The following AP1G1 variants were observed in gnomAD, a reference collection of about 807,000 sequenced individuals.
AP1G1 encodes adaptor related protein complex 1 subunit gamma 1.
In AP1G1, 7 loss-of-function variants were observed where a neutral mutation model predicts 108.3. The ratio of observed to expected loss-of-function variants is 0.06; its 90% confidence interval spans 0.04 to 0.12. The LOEUF is 0.12. Among genes scored for constraint, AP1G1 ranks in the 10% least tolerant of loss-of-function variants. AP1G1 has a pLI of 1.00. For synonymous variants in AP1G1, 379 were observed against 353.5 expected, an observed-to-expected ratio of 1.07 and a Z score of -0.81; for missense variants, 756 against 1,010.7, an observed-to-expected ratio of 0.75 and a Z score of 3.42.
intron 11 of AP1G1, among the ~76,000 whole-genome samples, chr16:71,756,605 T>C (rs888616394): frequency 2.0e-5 from 3 of 152,192 alleles, no homozygotes; most frequent in Non-Finnish European, 4.4e-5. Context: ...AAACATGATG[T>C]AATATAGTTT....
intron 13 of AP1G1, 88 bp from the exon 14 acceptor site, chr16:71,750,420 C>T: frequency 6.5e-7 from 1 of 1,526,944 alleles, no homozygotes; most frequent in Admixed American, 1.8e-5. Flanking sequence ...TGTGTTTTTT[C>T]CTTTCTTTTT....
In AP1G1 at chr16:71,808,748, G is replaced by T; in HGVS notation, c.-4+15C>A. On this transcript the variant is annotated intron_variant, in intron 1 of 22. Transcript: ENST00000299980. ...AAAGCAGCAATATGCTCTCAGCGCC[G>T]GGAGTGACACTCACCGGCCCGAAAC... 7.8e-7 allele frequency: 1 copy of T among 1,288,724 alleles called. No individual in the cohort carries two copies. The highest frequency in any genetic ancestry group is 1.0e-6 in the Non-Finnish European group (1 of 988,094). The allele number at this position is 1,288,724 out of a possible 1,614,324, so 79.8% of individuals were successfully genotyped here.
intron 9 of AP1G1, among the ~76,000 whole-genome samples, chr16:71,763,437 T>C (rs2031187318): frequency 6.6e-6 from 1 of 152,168 alleles, no homozygotes; most frequent in Admixed American, 6.5e-5. Context: ...TAAACTATAG[T>C]ACTGGTTACA....
intron 15 of AP1G1, among the ~76,000 whole-genome samples, chr16:71,749,219 G>A (rs1035545424): frequency 1.3e-5 from 2 of 151,228 alleles, no homozygotes; most frequent in Admixed American, 6.6e-5. Flanking sequence ...ACTCAGCAAT[G>A]CCTGTTAATC....
rs1401986747 is a variant in AP1G1 at position 71,730,972 on chromosome 16, T to A, written c.*2086A>T. On this transcript the variant is annotated 3_prime_UTR_variant, in exon 23 of 23. Transcript: ENST00000299980. Reference sequence around the variant, plus strand: ...TTCAAATAAAAAAACCTGAGCTGGTTAGCTACAAATATAAGAGAGAAAATA... The same window carrying A: ...TTCAAATAAAAAAACCTGAGCTGGTAAGCTACAAATATAAGAGAGAAAATA... 6.6e-6 allele frequency: 1 copy of A among 152,356 alleles called. No individual in the cohort carries two copies. The highest frequency in any genetic ancestry group is 2.4e-5 in the African/African-American group (1 of 41,446). The allele number at this position is 152,356 out of a possible 1,614,324, so 9.4% of individuals were successfully genotyped here. A position where few individuals can be genotyped will look rare whatever the true frequency, so the allele number is the denominator to read the frequency against.
At chr16:71,756,391 A>G in intron 11 of AP1G1, 1 of 394,636 alleles carries the variant, frequency 2.5e-6, no homozygotes, top group Non-Finnish European at 4.5e-6. Flanking sequence ...AAAAGTCCCT[A>G]CGAGATATAC....
At chr16:71,770,748 G>A (rs969297403) in intron 5 of AP1G1, among the ~76,000 whole-genome samples, 2 of 152,202 alleles carry the variant, frequency 1.3e-5, no homozygotes, top group African/African-American at 4.8e-5. Flanking sequence ...GGGATTACAG[G>A]CATGAGCTAC....
At chr16:71,783,991 C>A (rs745897354) in intron 2 of AP1G1, among the ~76,000 whole-genome samples, 1 of 152,084 alleles carries the variant, frequency 6.6e-6, no homozygotes, top group Non-Finnish European at 1.5e-5. Context: ...CCTACACACG[C>A]AAAAGGTTAC....
At chr16:71,772,271 G>T (rs1172942406) in intron 4 of AP1G1, among the ~76,000 whole-genome samples, 1 of 152,078 alleles carries the variant, frequency 6.6e-6, no homozygotes, top group Non-Finnish European at 1.5e-5. Flanking sequence ...GGGACTACAG[G>T]CGCCCGCCAC....
rs113533478 is a variant in AP1G1, at chr16:71,773,651, A to G, written c.327-289T>C. Reference sequence around the variant, plus strand: ...AGACACACACTTTAGAAAACTCAGCAAACTTGGCAGCAGGGTAGGGGTGGT... The same window carrying G: ...AGACACACACTTTAGAAAACTCAGCGAACTTGGCAGCAGGGTAGGGGTGGT... On this transcript the variant is annotated intron_variant, in intron 3 of 22. Transcript: ENST00000299980. Among the ~76,000 whole-genome samples the G allele has an allele frequency of 3.6e-3, 551 of 152,214 alleles. 8 individuals are homozygous for G. Among genetic ancestry groups the G allele is most frequent in the African/African-American group, 0.013 (528 of 41,566 alleles).
chr16:71,790,837 C>T (rs2032371750), intron 1 of AP1G1, among the ~76,000 whole-genome samples: 2 of 152,166 alleles, frequency 1.3e-5, no homozygotes, highest in South Asian at 4.1e-4. Context: ...AGAGACTTCA[C>T]ACACAACCAC....
chr16:71,783,881 C>A (rs947445045), intron 2 of AP1G1, among the ~76,000 whole-genome samples: 1 of 152,180 alleles, frequency 6.6e-6, no homozygotes, highest in African/African-American at 2.4e-5. Flanking sequence ...AAAAAGAACA[C>A]ATCTGTGGAA....
intron 13 of AP1G1, 140 bp from the exon 14 acceptor site, chr16:71,750,472 T>C (rs2030425713): frequency 5.0e-6 from 5 of 995,840 alleles, no homozygotes; most frequent in South Asian, 4.8e-5. Flanking sequence ...TGGAGTGCGA[T>C]AGCGCGATCT....
chr16:71,782,727 C>G (rs1054422742), intron 2 of AP1G1, among the ~76,000 whole-genome samples: 6 of 151,722 alleles, frequency 4.0e-5, no homozygotes, highest in African/African-American at 1.5e-4. Context: ...ACCTCGTGAT[C>G]TGCCTGCCTC....
intron 19 of AP1G1, among the ~76,000 whole-genome samples, chr16:71,744,433 G>A (rs2030053262): frequency 6.6e-6 from 1 of 152,100 alleles, no homozygotes; most frequent in South Asian, 2.1e-4. Flanking sequence ...TAAGTAGCAG[G>A]TTAACATCTC....
intron 13 of AP1G1, among the ~76,000 whole-genome samples, chr16:71,752,181 G>T (rs961903154): frequency 2.6e-5 from 4 of 151,534 alleles, no homozygotes; most frequent in African/African-American, 9.7e-5. Context: ...TAAAATCAGG[G>T]GCACAAAAAA....
At chr16:71,735,526 G>C (rs1236054901) in intron 21 of AP1G1, among the ~76,000 whole-genome samples, 1 of 152,038 alleles carries the variant, frequency 6.6e-6, no homozygotes, top group African/African-American at 2.4e-5. Context: ...GCTGGGCATG[G>C]TGGCACATGC....
In AP1G1 at chr16:71,748,384, G is replaced by T. The variant is rs746960368; in HGVS notation, c.1498-6C>A. Reference sequence around the variant, plus strand: ...AACACTTCATCCTCTGTTACCTGAGGAGGAGGAGGAAAAAGAAGACGATGA... The same window carrying T: ...AACACTTCATCCTCTGTTACCTGAGTAGGAGGAGGAAAAAGAAGACGATGA... On this transcript the variant is annotated splice_region_variant and splice_polypyrimidine_tract_variant and intron_variant, in intron 15 of 22. Coordinates refer to ENST00000299980, the MANE Select transcript of AP1G1 (RefSeq NM_001128.6). 5 of 1,607,666 alleles carry T rather than the reference G, an allele frequency of 3.1e-6. No homozygotes were observed. Among genetic ancestry groups the T allele is most frequent in the Non-Finnish European group, 4.2e-6 (5 of 1,178,498 alleles).
At chr16:71,760,384 A>G (rs1362240969) in intron 10 of AP1G1, among the ~76,000 whole-genome samples, 1 of 152,076 alleles carries the variant, frequency 6.6e-6, no homozygotes, top group East Asian at 1.9e-4. Context: ...CTCTACTAAA[A>G]ATACAAAAAA....
Sources: allele counts gnomAD v4.1 joint callset (sites outside exome capture counted in the v4.1 genomes callset), GRCh38; gene constraint gnomAD v4.1.1; transcripts MANE v1.5; gene names NCBI Gene and HGNC (gene_info 2026-07-23, HGNC 2026-07-21).